NRG2: variants seen among roughly 807,000 people sequenced by gnomAD.
NRG2 encodes the protein neuregulin 2.
Under a neutral mutation model 73.9 loss-of-function variants are expected in NRG2, and 27 were observed. The observed-to-expected ratio is 0.37, with a 90% CI of 0.27 to 0.50. The LOEUF (loss-of-function observed/expected upper bound fraction) is 0.50. NRG2 is among the 20% of genes least tolerant of loss of function. The pLI is 0.96. For synonymous variants in NRG2, 532 were observed against 541.0 expected (o/e 0.98, Z 0.23); for missense variants, 1,126 against 1,210.1 (o/e 0.93, Z 1.03).
At chr5:139,922,517 T>C (rs1454564507) in intron 1 of NRG2, among the ~76,000 whole-genome samples, 1 of 152,186 alleles carries the variant, frequency 6.6e-6, no homozygotes, top group Middle Eastern at 3.2e-3. Context: ...TCAAACAATA[T>C]AGTCACTTTG....
intron 1 of NRG2, among the ~76,000 whole-genome samples, chr5:139,922,476 C>G (rs1751747784): frequency 6.6e-6 from 1 of 152,244 alleles, no homozygotes; most frequent in African/African-American, 2.4e-5. Context: ...TGTGGAACAA[C>G]AGGATCTCTC....
At chr5:139,929,346 A>G (rs1202769665) in intron 1 of NRG2, among the ~76,000 whole-genome samples, 1 of 152,210 alleles carries the variant, frequency 6.6e-6, no homozygotes, top group Non-Finnish European at 1.5e-5. Context: ...CTCCAATGAC[A>G]TTAAGCGTGT....
At chr5:139,890,405 CCT>C (rs1764131251) in intron 1 of NRG2, among the ~76,000 whole-genome samples, 1 of 151,708 alleles carries the variant, frequency 6.6e-6, no homozygotes, top group South Asian at 2.1e-4. Flanking sequence ...CCCTCAGTTA[CCT>C]GCTTTTTTTA....
rs1257393197 is a variant in NRG2 at position 139,852,385 on chromosome 5, T to C, written c.1544+47A>G. On this transcript the variant is annotated intron_variant, in intron 8 of 9. Coordinates refer to ENST00000361474, the MANE Select transcript of NRG2 (RefSeq NM_004883.3). This position sits in a 1 kb window ranked among gnomAD's most constrained non-coding sequence, Gnocchi z 4.4. ...GAGTAAGTGGGCACTTTGCGCCAGA[T>C]GAAGTATGTGAGTCTACAAGTTTCC... is the stretch of plus-strand genomic sequence containing the variant. 2.5e-6 allele frequency: 4 copies of C among 1,594,264 alleles called. No homozygotes were observed. Among genetic ancestry groups the C allele is most frequent in the African/African-American group, 1.3e-5 (1 of 74,210 alleles).
At chr5:140,000,559 A>AG (rs998003110) in intron 1 of NRG2, among the ~76,000 whole-genome samples, 1 of 152,266 alleles carries the variant, frequency 6.6e-6, no homozygotes, top group Non-Finnish European at 1.5e-5. Context: ...GCGGGCAGGC[A>AG]GGCGGAATGA....
At chr5:139,973,537 T>C (rs1007352481) in intron 1 of NRG2, among the ~76,000 whole-genome samples, 4 of 152,126 alleles carry the variant, frequency 2.6e-5, no homozygotes, top group Admixed American at 6.5e-5. Flanking sequence ...AATTTTTGTG[T>C]TTTTTGTAGA....
At chr5:140,031,631 G>A (rs187629007) in intron 1 of NRG2, among the ~76,000 whole-genome samples, 3 of 152,124 alleles carry the variant, frequency 2.0e-5, no homozygotes, top group East Asian at 1.9e-4. Flanking sequence ...CTACCTGTTC[G>A]ATCCTGACTG....
chr5:140,011,497 T>C (rs953297745), intron 1 of NRG2, among the ~76,000 whole-genome samples: 2 of 152,166 alleles, frequency 1.3e-5, no homozygotes, highest in South Asian at 2.1e-4. Context: ...TTACTACAAA[T>C]AGACTGTGAC....
chr5:139,975,489 G>T (rs899184623), intron 1 of NRG2, among the ~76,000 whole-genome samples: 1 of 152,172 alleles, frequency 6.6e-6, no homozygotes, highest in African/African-American at 2.4e-5. Flanking sequence ...AGCCTGACTG[G>T]TATGTGGAGA....
At chr5:139,972,122 T>C (rs947576394) in intron 1 of NRG2, among the ~76,000 whole-genome samples, 2 of 152,192 alleles carry the variant, frequency 1.3e-5, no homozygotes, top group South Asian at 2.1e-4. Context: ...GTATATAAAA[T>C]GTAATATTAT....
chr5:139,989,561 A>C (rs988873731), intron 1 of NRG2, among the ~76,000 whole-genome samples: 1 of 151,886 alleles, frequency 6.6e-6, no homozygotes, highest in African/African-American at 2.4e-5. Flanking sequence ...ACATATTTTT[A>C]AAGTTTTTAA....
chr5:139,848,765 G>GGGGGGTT, intron 9 of NRG2, 68 bp from the exon 10 acceptor site: 1 of 652,272 alleles, frequency 1.5e-6, no homozygotes, highest in Non-Finnish European at 2.2e-6. Context: ...GGGGTTGGGG[G>GGGGGGTT]TGGGGTAGGG....
At chr5:139,987,772 GT>G (rs374160865) in intron 1 of NRG2, among the ~76,000 whole-genome samples, 10,086 of 125,988 alleles carry the variant, frequency 0.08, 150 homozygotes, top group African/African-American at 0.12. Context: ...TCTGCAGGTT[GT>G]TTTTTTTTTT....
intron 9 of NRG2, among the ~76,000 whole-genome samples, chr5:139,849,750 T>G (rs1315386222): frequency 6.6e-6 from 1 of 152,118 alleles, no homozygotes; most frequent in Admixed American, 6.5e-5. Context: ...CACATCTGAT[T>G]AACCACCAAG....
intron 1 of NRG2, among the ~76,000 whole-genome samples, chr5:140,021,860 A>G (rs1473247501): frequency 6.6e-6 from 1 of 152,214 alleles, no homozygotes; most frequent in African/African-American, 2.4e-5. Context: ...AGATATCTGC[A>G]TGCACAAAAG....
intron 2 of NRG2, among the ~76,000 whole-genome samples, chr5:139,886,444 C>T (rs776530160): frequency 6.6e-6 from 1 of 151,952 alleles, no homozygotes; most frequent in African/African-American, 2.4e-5. Flanking sequence ...TGTGGTGGGG[C>T]GGTGAGGAGG....
intron 3 of NRG2, among the ~76,000 whole-genome samples, chr5:139,878,216 T>C (rs1399427030): frequency 2.0e-5 from 3 of 152,228 alleles, no homozygotes; most frequent in Non-Finnish European, 2.9e-5. Context: ...TGACCAGGCC[T>C]TCACTCACAG....
Position 139,848,124 on chromosome 5 carries a change from G to A in NRG2, c.2346C>T (p.Asp782=). 1.4e-6 allele frequency: 2 copies of A among 1,471,640 alleles called. No individual in the cohort carries two copies. The highest frequency in any genetic ancestry group is 8.9e-7 in the Non-Finnish European group (1 of 1,119,018). The allele number at this position is 1,471,640 out of a possible 1,614,324, so 91.2% of individuals were successfully genotyped here. ...GSASASDDDA[D]DADGALAAES... is the part of the protein sequence containing the mutation. ...CGGCCGCCAGCGCCCCGTCCGCGTC[G>A]TCCGCGTCGTCGTCCGACGCCGAGG... Residue 782 remains aspartate (D), a synonymous_variant, in exon 10 of 10, where the codon GAC becomes GAT. Transcript: ENST00000361474.
chr5:139,884,473 C>T (rs1038134162), intron 2 of NRG2, among the ~76,000 whole-genome samples: 2 of 152,298 alleles, frequency 1.3e-5, no homozygotes, highest in East Asian at 3.9e-4. Flanking sequence ...GTCGGAAGAG[C>T]CCCAAGGCTG....
Sources: allele counts gnomAD v4.1 joint callset (sites outside exome capture counted in the v4.1 genomes callset), GRCh38; gene constraint gnomAD v4.1.1; non-coding constraint Gnocchi (gnomAD v3.1); transcripts MANE v1.5; gene names NCBI Gene and HGNC (gene_info 2026-07-23, HGNC 2026-07-21).